SRRM4: variants seen among roughly 807,000 people sequenced by gnomAD.
SRRM4 encodes serine/arginine repetitive matrix 4, also known as serine/arginine repetitive matrix protein 4.
SRRM4 carries 33 observed loss-of-function variants against 68.9 expected under a neutral mutation model. The ratio of observed to expected loss-of-function variants is 0.48; its 90% CI spans 0.36 to 0.64. SRRM4 has a LOEUF of 0.64. Ranked by LOEUF, SRRM4 falls within the 30% of genes least tolerant of loss-of-function variation. The pLI is 0.00. For missense variants in SRRM4, 817 were observed against 827.1 expected (o/e 0.99, Z 0.15); for synonymous variants, 318 against 318.8 (o/e 1.00, Z 0.03).
chr12:118,982,240 G>A (rs1398296687), intron 1 of SRRM4, among the ~76,000 whole-genome samples: 4 of 152,172 alleles, frequency 2.6e-5, no homozygotes, highest in African/African-American at 9.7e-5. Flanking sequence ...TTGGACCCCC[G>A]TAGCTCCTAT....
At chr12:119,114,482 G>T in intron 3 of SRRM4, 118 bp downstream of exon 3, 4 of 745,958 alleles carry the variant, frequency 5.4e-6, no homozygotes, top group South Asian at 4.8e-5. Context: ...TGCTTAACTA[G>T]CTGTGTGACC....
chr12:119,035,527 C>A (rs1953621167), intron 1 of SRRM4, among the ~76,000 whole-genome samples: 1 of 152,186 alleles, frequency 6.6e-6, no homozygotes, highest in Non-Finnish European at 1.5e-5. Context: ...AATCCATGCT[C>A]TGTATCTTTT....
At chr12:119,089,856 T>C (rs968065560) in intron 1 of SRRM4, among the ~76,000 whole-genome samples, 2 of 152,182 alleles carry the variant, frequency 1.3e-5, no homozygotes, top group African/African-American at 2.4e-5. Flanking sequence ...ATATTGAACA[T>C]TTATTAGGCA....
At chr12:119,114,126 G>A (rs1954162172) in intron 2 of SRRM4, 152 bp from the exon 3 acceptor site, 1 of 580,290 alleles carries the variant, frequency 1.7e-6, no homozygotes, top group Admixed American at 3.0e-5. Flanking sequence ...TTAGTCTGAA[G>A]TGTGACCCAA....
At chr12:119,056,082 A>G (rs1953774265) in intron 1 of SRRM4, among the ~76,000 whole-genome samples, 1 of 152,182 alleles carries the variant, frequency 6.6e-6, no homozygotes, top group Admixed American at 6.5e-5. Context: ...AATGTCTTGA[A>G]ATAACTCTGC....
At chr12:119,042,080 AAG>A (rs1379060884) in intron 1 of SRRM4, among the ~76,000 whole-genome samples, 1 of 152,156 alleles carries the variant, frequency 6.6e-6, no homozygotes, top group African/African-American at 2.4e-5. Flanking sequence ...CGCGGATGAC[AAG>A]AGTCTTAGAA....
rs1335622373 is a variant in SRRM4 at position 118,981,658 on chromosome 12, G to T, written c.-225G>T. ...CAGCCAGCTCAGAGCGCAGCCTGGA[G>T]CCGACCCAGAAGGGCGAAGAAAGCC... is the stretch of plus-strand genomic sequence containing the variant. On this transcript the variant is annotated 5_prime_UTR_variant, in exon 1 of 13. Transcript: ENST00000267260. 3.7e-6 allele frequency: 2 copies of T among 542,746 alleles called. No homozygotes were observed. The highest frequency in any genetic ancestry group is 6.5e-6 in the Non-Finnish European group (2 of 308,990). The allele number at this position is 542,746 out of a possible 1,614,324, so 33.6% of individuals were successfully genotyped here.
rs117707165 is a variant in SRRM4 at position 119,085,318 on chromosome 12, T to C, written c.132-16918T>C. Reference sequence around the variant, plus strand: ...TAACCCTGTGAGGTAGGTGCTATTATTACCCTCATCTTACATACGATGACC... The same window carrying C: ...TAACCCTGTGAGGTAGGTGCTATTACTACCCTCATCTTACATACGATGACC... On this transcript the variant is annotated intron_variant, in intron 1 of 12. Coordinates refer to ENST00000267260, the MANE Select transcript of SRRM4 (RefSeq NM_194286.4). Among the ~76,000 whole-genome samples, 203 of 152,354 alleles carry C rather than the reference T, an allele frequency of 1.3e-3. 3 individuals are homozygous for C. The East Asian group carries it at 0.033, about 24-fold the overall frequency.
chr12:119,097,049 C>T (rs1954050134), intron 1 of SRRM4, among the ~76,000 whole-genome samples: 1 of 152,212 alleles, frequency 6.6e-6, no homozygotes, highest in Non-Finnish European at 1.5e-5. Context: ...GGCTCCCTCC[C>T]TCCATCTGTG....
chr12:119,129,729 A>G (rs1002237170), intron 7 of SRRM4, among the ~76,000 whole-genome samples: 5 of 152,262 alleles, frequency 3.3e-5, no homozygotes, highest in Non-Finnish European at 7.3e-5. Flanking sequence ...TGTCAAATGA[A>G]CAAGTAAGAG....
At chr12:119,075,096 A>G (rs2136027965) in intron 1 of SRRM4, among the ~76,000 whole-genome samples, 1 of 152,318 alleles carries the variant, frequency 6.6e-6, no homozygotes, top group East Asian at 1.9e-4. Context: ...GGTCTGATGG[A>G]TCAGGTGAAA....
chr12:119,143,778 G>A lies in SRRM4; in HGVS notation c.772-1603G>A, dbSNP rs572766557. 2.0e-5 allele frequency among the ~76,000 whole-genome samples: 3 copies of A among 152,326 alleles called. No homozygotes were observed. In the South Asian group the frequency reaches 6.2e-4, roughly 32 times the overall value. On this transcript the variant is annotated intron_variant, in intron 8 of 12. Transcript: ENST00000267260. The stretch of plus-strand genomic sequence containing the variant: ...CTACAGAGACCTGGAAAGTGGCATA[G>A]GAGTCATTTAAACAGAGAATTTTGG...
intron 2 of SRRM4, among the ~76,000 whole-genome samples, chr12:119,103,736 C>T (rs1300083303): frequency 6.6e-6 from 1 of 152,240 alleles, no homozygotes; most frequent in Non-Finnish European, 1.5e-5. Context: ...GGCATGCTGG[C>T]TCACGCCTGT....
chr12:118,989,606 G>A (rs1221182736), intron 1 of SRRM4: 1 of 150,300 alleles, frequency 6.7e-6, no homozygotes, highest in African/African-American at 2.5e-5. Context: ...TACAGCCTCT[G>A]TGCGGAGCTC....
intron 1 of SRRM4, among the ~76,000 whole-genome samples, chr12:118,982,679 G>GTTTTTTTTTTTTTT (rs370087102): frequency 9.8e-6 from 1 of 102,138 alleles, no homozygotes; most frequent in Non-Finnish European, 2.2e-5. Flanking sequence ...GTTTTTTTTT[G>GTTTTTTTTTTTTTT]TTTTTTTTTT....
chr12:119,042,572 T>C (rs753874377), intron 1 of SRRM4, among the ~76,000 whole-genome samples: 4 of 144,790 alleles, frequency 2.8e-5, no homozygotes, highest in Admixed American at 6.9e-5. Context: ...GAAGAGGGGG[T>C]GGTAGACAAT....
At chr12:118,986,550 A>C (rs1251356253) in intron 1 of SRRM4, among the ~76,000 whole-genome samples, 2 of 151,988 alleles carry the variant, frequency 1.3e-5, no homozygotes, top group African/African-American at 2.4e-5. Context: ...TCCCCACCCC[A>C]CCTCCAGTTC....
In SRRM4 at chr12:119,162,251, T is replaced by C. The variant is rs2555269; in HGVS notation, c.*5453T>C. 106,379 of 152,130 alleles carry C rather than the reference T, an allele frequency of 0.7. 38,390 individuals are homozygous for C. The highest frequency in any genetic ancestry group is 0.89 in the African/African-American group (36,815 of 41,536). The allele number at this position is 152,130 out of a possible 1,614,324, so 9.4% of individuals were successfully genotyped here. Reference sequence around the variant, plus strand: ...GGACTTCATTTGCAGAATGAGGTCATAGTCGTTGAGTCCCACAGTCATATA... The same window carrying C: ...GGACTTCATTTGCAGAATGAGGTCACAGTCGTTGAGTCCCACAGTCATATA... On this transcript the variant is annotated 3_prime_UTR_variant, in exon 13 of 13. Coordinates refer to ENST00000267260, the MANE Select transcript of SRRM4 (RefSeq NM_194286.4).
Position 119,145,263 on chromosome 12 carries a change from CCTCT to C in SRRM4, c.772-109_772-106del, listed in dbSNP as rs931761848. 5 of 883,142 alleles carry C rather than the reference CCTCT, an allele frequency of 5.7e-6. No homozygotes were observed. In the East Asian group the frequency reaches 1.5e-4, roughly 27 times the overall value. 54.7% of individuals were successfully genotyped at this position (883,142 alleles called of 1,614,324 possible). ...TTTTTTGGCGTCTCTTCTTTCTTCT[CCTCT>C]CTCTCTCTTTCCTTTCGTTACAGTG... On this transcript the variant is annotated intron_variant, in intron 8 of 12. Coordinates refer to ENST00000267260, the MANE Select transcript of SRRM4 (RefSeq NM_194286.4).
Sources: allele counts gnomAD v4.1 joint callset (sites outside exome capture counted in the v4.1 genomes callset), GRCh38; gene constraint gnomAD v4.1.1; transcripts MANE v1.5; gene names NCBI Gene and HGNC (gene_info 2026-07-23, HGNC 2026-07-21).